SPRR2G: variants seen among roughly 807,000 people sequenced by gnomAD.
SPRR2G encodes small proline-rich protein 2G.
A neutral mutation model predicts 0.7 loss-of-function variants in SPRR2G; 1 was observed. The ratio of observed to expected loss-of-function variants is 1.49; its 90% CI spans 0.53 to 7.06. The LOEUF (loss-of-function observed/expected upper bound fraction) is 7.06, where lower values mean the gene tolerates loss of function less well. SPRR2G is among the 30% of genes most tolerant of loss of function. The probability of loss-of-function intolerance (pLI) is 0.14; values close to 1 mark genes in which losing one functional copy is unlikely to be tolerated. For missense variants in SPRR2G, 96 were observed against 88.5 expected, an observed-to-expected ratio of 1.09 and a Z score of -0.34; for synonymous variants, 38 against 33.9, an observed-to-expected ratio of 1.12 and a Z score of -0.42.
chr1:153,150,515 T>A (rs1656443936), intron 1 of SPRR2G, among the ~76,000 whole-genome samples: 1 of 152,158 alleles, frequency 6.6e-6, no homozygotes. Context: ...TGCTGAGCCA[T>A]GAGTTTTTTA....
At chr1:153,193,593 C>T in the SPRR2G span, among the ~76,000 whole-genome samples, 2 of 152,024 alleles carry the variant, frequency 1.3e-5, no homozygotes, top group African/African-American at 2.4e-5. Flanking sequence ...TAATGTTAAG[C>T]GATTTCATTT....
the SPRR2G span, among the ~76,000 whole-genome samples, chr1:153,181,075 T>C: frequency 6.6e-6 from 1 of 152,148 alleles, no homozygotes; most frequent in African/African-American, 2.4e-5. Flanking sequence ...CTCTGTGGCT[T>C]GGCATTTTGC....
the SPRR2G span, chr1:153,190,234 A>T: frequency 6.6e-6 from 1 of 152,380 alleles, no homozygotes; most frequent in Admixed American, 6.6e-5. Context: ...AGCTGTTAAT[A>T]CCACTTATGC....
chr1:153,168,024 A>G, the SPRR2G span, among the ~76,000 whole-genome samples: 1 of 152,218 alleles, frequency 6.6e-6, no homozygotes, highest in East Asian at 1.9e-4. Flanking sequence ...CATATTCTAA[A>G]TCACCTTCTT....
the SPRR2G span, among the ~76,000 whole-genome samples, chr1:153,160,928 C>T: frequency 2.0e-5 from 3 of 151,602 alleles, no homozygotes; most frequent in Non-Finnish European, 2.9e-5. Flanking sequence ...ATGATGAGTC[C>T]ATGTCCTTTG....
chr1:153,153,796 C>T (rs545276232), upstream of SPRR2G, among the ~76,000 whole-genome samples: 13 of 152,158 alleles, frequency 8.5e-5, no homozygotes, highest in South Asian at 2.3e-3. Context: ...AGATATGCTG[C>T]TACTACATAA....
At chr1:153,161,232 A>ATGGTTTGCAAATATTTTCTCTCATTCTGT in the SPRR2G span, among the ~76,000 whole-genome samples, 1,093 of 116,298 alleles carry the variant, frequency 9.4e-3, 82 homozygotes, top group South Asian at 0.012. Context: ...CTTAAAGTAT[A>ATGGTTTGCAAATATTTTCTCTCATTCTGT]ATAAAAAATA....
At chr1:153,186,471 T>C in the SPRR2G span, among the ~76,000 whole-genome samples, 1 of 152,150 alleles carries the variant, frequency 6.6e-6, no homozygotes, top group Non-Finnish European at 1.5e-5. Context: ...TTATGTAATG[T>C]CTTTCTTTGT....
the SPRR2G span, among the ~76,000 whole-genome samples, chr1:153,181,257 T>C: frequency 6.6e-6 from 1 of 152,164 alleles, no homozygotes; most frequent in Non-Finnish European, 1.5e-5. Context: ...TGTTTTTGGT[T>C]GTGTAATATA....
At chr1:153,154,774 G>A (rs1356410653), upstream of SPRR2G, among the ~76,000 whole-genome samples, 1 of 151,836 alleles carries the variant, frequency 6.6e-6, no homozygotes, top group East Asian at 1.9e-4. Context: ...CTAGAGGTTT[G>A]TCAAATGAGT....
chr1:153,164,109 C>T, the SPRR2G span, among the ~76,000 whole-genome samples: 1 of 152,138 alleles, frequency 6.6e-6, no homozygotes, highest in Non-Finnish European at 1.5e-5. Flanking sequence ...TTCTCAACTG[C>T]GTTTTTCAAG....
chr1:153,183,375 C>A, the SPRR2G span, among the ~76,000 whole-genome samples: 1 of 151,950 alleles, frequency 6.6e-6, no homozygotes, highest in African/African-American at 2.4e-5. Context: ...GCATGAGCCA[C>A]CGCGCCTGGC....
the SPRR2G span, among the ~76,000 whole-genome samples, chr1:153,162,089 G>T: frequency 6.6e-6 from 1 of 152,042 alleles, no homozygotes; most frequent in Admixed American, 6.5e-5. Flanking sequence ...TTGTTGTACA[G>T]ATTATTTCAT....
chr1:153,181,881 A>G, the SPRR2G span, among the ~76,000 whole-genome samples: 1 of 152,058 alleles, frequency 6.6e-6, no homozygotes, highest in African/African-American at 2.4e-5. Flanking sequence ...TGCAGTAAAC[A>G]TTAGGATGTG....
the SPRR2G span, among the ~76,000 whole-genome samples, chr1:153,181,297 A>C: frequency 6.6e-6 from 1 of 152,108 alleles, no homozygotes. Context: ...CATAATATAC[A>C]TATTTATGGG....
chr1:153,153,355 T>A (rs1656512457), upstream of SPRR2G, among the ~76,000 whole-genome samples: 2 of 152,156 alleles, frequency 1.3e-5, no homozygotes, highest in Admixed American at 1.3e-4. Context: ...AATGATTGAG[T>A]TAAGTCCTAA....
chr1:153,181,090 T>C, the SPRR2G span, among the ~76,000 whole-genome samples: 4 of 152,166 alleles, frequency 2.6e-5, no homozygotes, highest in Admixed American at 6.5e-5. Flanking sequence ...TTTTGCAATC[T>C]TGGTGGTGTT....
At chr1:153,165,494 A>G in the SPRR2G span, among the ~76,000 whole-genome samples, 1,060 of 152,248 alleles carry the variant, frequency 7.0e-3, 8 homozygotes, top group African/African-American at 0.024. Context: ...TTATAATGTA[A>G]GTCTGGCTCC....
chr1:153,192,694 G>A, the SPRR2G span, among the ~76,000 whole-genome samples: 129 of 152,282 alleles, frequency 8.5e-4, 3 homozygotes, highest in South Asian at 0.026. Context: ...CTCTTCTCCT[G>A]GGCCTAAATT....
Sources: allele counts gnomAD v4.1 joint callset (sites outside exome capture counted in the v4.1 genomes callset), GRCh38; gene constraint gnomAD v4.1.1; transcripts MANE v1.5; gene names NCBI Gene and HGNC (gene_info 2026-07-23, HGNC 2026-07-21).